A2ML1: variants seen among roughly 807,000 people sequenced by gnomAD.
The protein encoded by A2ML1 is alpha-2-macroglobulin like 1.
Under a neutral mutation model 181.9 loss-of-function variants are expected in A2ML1, and 161 were observed. The ratio of observed to expected loss-of-function variants is 0.89; its 90% CI spans 0.78 to 1.01. The LOEUF (loss-of-function observed/expected upper bound fraction) is 1.01. Ranked by LOEUF, A2ML1 falls within the 50% of genes least tolerant of loss-of-function variation. The pLI, the probability that A2ML1 is intolerant of heterozygous loss-of-function variation, is 0.00. For missense variants in A2ML1, 1,670 were observed against 1,768.1 expected, an observed-to-expected ratio of 0.94 and a Z score of 1.00; for synonymous variants, 663 against 666.8, an observed-to-expected ratio of 0.99 and a Z score of 0.09.
intron 6 of A2ML1, 75 bp from the exon 7 acceptor site, chr12:8,836,180 T>C: frequency 8.5e-7 from 1 of 1,170,120 alleles, no homozygotes; most frequent in Non-Finnish European, 1.3e-6. Flanking sequence ...TCACTGTTTA[T>C]ACCCCTCTGC....
intron 23 of A2ML1, among the ~76,000 whole-genome samples, chr12:8,856,850 G>A (rs1944078777): frequency 6.6e-6 from 1 of 151,448 alleles, no homozygotes; most frequent in Admixed American, 6.6e-5. Flanking sequence ...TTTGAGGGTA[G>A]AGACCGAGTT....
At chr12:8,884,910 ATCCAATC>A (rs1944907187) in intron 7 of A2ML1, among the ~76,000 whole-genome samples, 1 of 152,126 alleles carries the variant, frequency 6.6e-6, no homozygotes, top group Non-Finnish European at 1.5e-5. Context: ...CATTTTCTTT[ATCCAATC>A]TCTCATTGAT....
intron 18 of A2ML1, among the ~76,000 whole-genome samples, chr12:8,850,901 G>A (rs763445429): frequency 6.6e-5 from 10 of 152,028 alleles, no homozygotes; most frequent in Non-Finnish European, 1.5e-4. Context: ...ACCACACCTG[G>A]CTAAGTTTTG....
In A2ML1 at chr12:8,863,813, C is replaced by G; in HGVS notation, c.3522C>G (p.Ser1174Arg). ...AIISGESIYW[S>R]QKPTPSSNAS... Reference sequence around the variant, plus strand: ...CCATAGGAGAATCCATTTACTGGAGCCAGAAACCTACTCCATCATCGAACG... The same window carrying G: ...CCATAGGAGAATCCATTTACTGGAGGCAGAAACCTACTCCATCATCGAACG... Residue 1174 changes from serine to arginine, a missense_variant, in exon 29 of 36, where the codon AGC becomes AGG. Physicochemically the swap from Ser to Arg is moderately radical, Grantham distance 110. Coordinates refer to ENST00000299698, the MANE Select transcript of A2ML1 (RefSeq NM_144670.6). The G allele has an allele frequency of 1.9e-6, 3 of 1,614,216 alleles. No individual in the cohort carries two copies. Among genetic ancestry groups the G allele is most frequent in the Non-Finnish European group, 2.5e-6 (3 of 1,180,030 alleles).
chr12:8,831,735 G>GT (rs1033116223), intron 4 of A2ML1, among the ~76,000 whole-genome samples: 20 of 150,414 alleles, frequency 1.3e-4, no homozygotes, highest in East Asian at 3.9e-4. Context: ...TGGAAATCGA[G>GT]TTTTTTTTTG....
At chr12:8,886,010 T>TCTCACACACACA (rs71451992) in intron 7 of A2ML1, among the ~76,000 whole-genome samples, 2 of 144,892 alleles carry the variant, frequency 1.4e-5, no homozygotes, top group African/African-American at 5.1e-5. Context: ...CAACAATATC[T>TCTCACACACACA]CACACACACA....
At position 8,829,654 on chromosome 12, in the gene A2ML1, CAAAAAAAAA is replaced by C. The variant is rs778132993; in HGVS notation, c.410-59_410-51del. 19 of 1,115,014 alleles carry C rather than the reference CAAAAAAAAA, an allele frequency of 1.7e-5. No homozygotes were observed. In the Admixed American group the frequency reaches 2.6e-4, roughly 15 times the overall value. 69.1% of individuals were successfully genotyped at this position (1,115,014 alleles called of 1,614,324 possible). A position where few individuals can be genotyped will look rare whatever the true frequency, so the allele number is the denominator to read the frequency against. ...TGGGTGACAGAGTGAGACCCTGTAT[CAAAAAAAAA>C]AAAAAAAAAAAAATTCTGAGCCAGG... is the stretch of plus-strand genomic sequence containing the variant. On this transcript the variant is annotated intron_variant, in intron 3 of 35. Coordinates refer to ENST00000299698, the MANE Select transcript of A2ML1 (RefSeq NM_144670.6).
intron 7 of A2ML1, among the ~76,000 whole-genome samples, chr12:8,836,751 T>C (rs1414554828): frequency 1.3e-5 from 2 of 152,144 alleles, no homozygotes; most frequent in East Asian, 3.9e-4. Context: ...CCCAAAGTGT[T>C]GGATTACAGA....
chr12:8,874,039 G>A (rs985738500), intron 33 of A2ML1, among the ~76,000 whole-genome samples: 1 of 151,918 alleles, frequency 6.6e-6, no homozygotes, highest in Non-Finnish European at 1.5e-5. Flanking sequence ...AATTTGAGAT[G>A]GAGTCTCGCT....
At position 8,823,979 on chromosome 12, in the gene A2ML1, A is replaced by G; in HGVS notation, c.409+97A>G. 4 of 1,421,310 alleles carry G rather than the reference A, an allele frequency of 2.8e-6. No homozygotes were observed. The South Asian group carries it at 4.6e-5, about 16-fold the overall frequency. The allele number at this position is 1,421,310 out of a possible 1,614,324, so 88.0% of individuals were successfully genotyped here. A position where few individuals can be genotyped will look rare whatever the true frequency, so the allele number is the denominator to read the frequency against. On this transcript the variant is annotated intron_variant, in intron 3 of 35. Transcript: ENST00000299698. ...TGTGGTTTGACAGTAGGCTTTGGAAAAAAAGGAGTGCAGAGGAGAGGAAAA... is the reference window on the plus strand; with the variant it reads ...TGTGGTTTGACAGTAGGCTTTGGAAGAAAAGGAGTGCAGAGGAGAGGAAAA...
At position 8,828,480 on chromosome 12, in the gene A2ML1, G is replaced by C. The variant is rs748572898; in HGVS notation, c.410-1247G>C. The stretch of plus-strand genomic sequence containing the variant: ...CTTGTGGTGAATGGTGCCTGGCCTG[G>C]GACTCTCTTTTCAGGGCAGTGAGCT... On this transcript the variant is annotated intron_variant, in intron 3 of 35. Transcript: ENST00000299698. Among the ~76,000 whole-genome samples the C allele has an allele frequency of 1.2e-3, 175 of 152,088 alleles. 2 individuals are homozygous for C. Among genetic ancestry groups the C allele is most frequent in the South Asian group, 4.6e-3 (22 of 4,816 alleles).
downstream of A2ML1, among the ~76,000 whole-genome samples, chr12:8,878,873 G>T (rs1236945125): frequency 6.6e-6 from 1 of 152,192 alleles, no homozygotes; most frequent in Non-Finnish European, 1.5e-5. This position sits in a 1 kb window ranked among gnomAD's most constrained non-coding sequence, Gnocchi z 4.4. Context: ...TGAGGTGGGA[G>T]AATCGCTTGA....
intron 28 of A2ML1, 128 bp from the exon 29 acceptor site, chr12:8,863,666 A>C (rs1237763531): frequency 2.3e-6 from 2 of 861,822 alleles, no homozygotes; most frequent in Non-Finnish European, 3.5e-6. Context: ...AAATCTAAGA[A>C]ATTTTTTTTC....
chr12:8,886,124 T>A (rs1944919916), intron 7 of A2ML1, among the ~76,000 whole-genome samples: 1 of 152,188 alleles, frequency 6.6e-6, no homozygotes, highest in Admixed American at 6.6e-5. Context: ...TAGCCCTAGC[T>A]ATTCTTGGCA....
chr12:8,843,366 GAC>G lies in A2ML1; in HGVS notation c.1476+6_1476+7del. The G allele has an allele frequency of 1.2e-6, 2 of 1,612,094 alleles. No individual in the cohort carries two copies. The highest frequency in any genetic ancestry group is 1.7e-6 in the Non-Finnish European group (2 of 1,178,262). The stretch of plus-strand genomic sequence containing the variant: ...GAGATCAGCTTCTCCTACTATGTGA[GAC>G]CGGGAAACGGGGACGGGTGAGAGTA... On this transcript the variant is annotated splice_donor_region_variant and intron_variant, in intron 12 of 35. Coordinates refer to ENST00000299698, the MANE Select transcript of A2ML1 (RefSeq NM_144670.6).
At chr12:8,837,372 G>A (rs1159175628) in intron 7 of A2ML1, 68 bp from the exon 8 acceptor site, 6 of 1,591,738 alleles carry the variant, frequency 3.8e-6, no homozygotes, top group East Asian at 2.3e-5. Flanking sequence ...AAGAAGTGGT[G>A]TTTGAGGGAA....
In A2ML1 at chr12:8,854,184, G is replaced by A; in HGVS notation, c.2647G>A (p.Gly883Ser). 6.2e-7 allele frequency: 1 copy of A among 1,608,680 alleles called. No individual in the cohort carries two copies. Among genetic ancestry groups the A allele is most frequent in the African/African-American group, 1.3e-5 (1 of 74,912 alleles). ...TCTGGACAGCAATGAACCATGTGGG[G>A]GCCAGAAGGGGTTTGTTCCCCAAAA... ...KILDSNEPCG[G>S]QKGFVPQKGR... is the part of the protein sequence containing the mutation. The change falls in exon 21 of 36, where the codon GGC becomes AGC. Residue 883 changes from glycine (G) to serine (S), a missense_variant. Physicochemically the swap from Gly to Ser is moderately conservative, Grantham distance 56. Transcript: ENST00000299698.
chr12:8,823,614 C>A (rs1942820936), intron 2 of A2ML1, 106 bp from the exon 3 acceptor site: 2 of 1,277,118 alleles, frequency 1.6e-6, no homozygotes, highest in Non-Finnish European at 2.2e-6. Context: ...TCCTTGCTAC[C>A]CCCATCTAAC....
At chr12:8,881,392 C>T (rs146201005), downstream of A2ML1, among the ~76,000 whole-genome samples, 7 of 152,254 alleles carry the variant, frequency 4.6e-5, no homozygotes, top group African/African-American at 1.4e-4. Context: ...GTAAATATAT[C>T]GGAGGCACTA....
Sources: allele counts gnomAD v4.1 joint callset (sites outside exome capture counted in the v4.1 genomes callset), GRCh38; gene constraint gnomAD v4.1.1; non-coding constraint Gnocchi (gnomAD v3.1); transcripts MANE v1.5; gene names NCBI Gene and HGNC (gene_info 2026-07-23, HGNC 2026-07-21).